Variants in ROR1 observed in about 807,000 individuals in gnomAD.
The protein encoded by ROR1 is inactive tyrosine-protein kinase transmembrane receptor ROR1.
A neutral mutation model predicts 78.8 loss-of-function variants in ROR1; 19 were observed. The observed-to-expected ratio is 0.24, with a 90% CI of 0.17 to 0.35. ROR1 has a LOEUF of 0.35. Among genes scored for constraint, ROR1 ranks in the 10% least tolerant of loss-of-function variants. The probability of loss-of-function intolerance (pLI) is 1.00; values close to 1 mark genes in which losing one functional copy is unlikely to be tolerated. For synonymous variants in ROR1, 386 were observed against 433.6 expected (o/e 0.89, Z 1.36); for missense variants, 917 against 1,177.8 (o/e 0.78, Z 3.24).
chr1:63,834,445 G>C (rs930871242), intron 1 of ROR1, among the ~76,000 whole-genome samples: 2 of 152,066 alleles, frequency 1.3e-5, no homozygotes, highest in African/African-American at 4.8e-5. Context: ...TATTAAATTA[G>C]TTTTCCCTGT....
At chr1:63,898,140 T>C (rs1040695205) in intron 1 of ROR1, among the ~76,000 whole-genome samples, 1 of 152,212 alleles carries the variant, frequency 6.6e-6, no homozygotes, top group South Asian at 2.1e-4. Context: ...TGCACAAATC[T>C]TTGAACAGCT....
intron 4 of ROR1, among the ~76,000 whole-genome samples, chr1:64,093,685 G>C (rs1018885643): frequency 6.6e-6 from 1 of 151,484 alleles, no homozygotes; most frequent in African/African-American, 2.4e-5. Context: ...TTTTTTGTTT[G>C]TCAGGAAACT....
At chr1:63,851,903 A>G (rs893001810) in intron 1 of ROR1, among the ~76,000 whole-genome samples, 2 of 152,246 alleles carry the variant, frequency 1.3e-5, no homozygotes, top group African/African-American at 4.8e-5. Flanking sequence ...GGAAGATGGA[A>G]GACAAGTAGA....
intron 7 of ROR1, among the ~76,000 whole-genome samples, chr1:64,151,654 T>C (rs1377111005): frequency 1.3e-5 from 2 of 151,420 alleles, no homozygotes; most frequent in African/African-American, 4.9e-5. Flanking sequence ...GGGCAGATCA[T>C]TTAAGGTCAG....
chr1:63,798,345 A>C (rs948585494), intron 1 of ROR1, among the ~76,000 whole-genome samples: 1 of 152,118 alleles, frequency 6.6e-6, no homozygotes, highest in African/African-American at 2.4e-5. Context: ...TGGGCCCATC[A>C]ACTTAAGTAG....
chr1:64,132,760 CAAAAAAAAAAAAA>C (rs749607703), intron 4 of ROR1, among the ~76,000 whole-genome samples: 2 of 70,452 alleles, frequency 2.8e-5, no homozygotes, highest in Admixed American at 2.1e-4. Flanking sequence ...GACTCCATCT[CAAAAAAAAAAAAA>C]AAAAAAAAAA....
intron 1 of ROR1, among the ~76,000 whole-genome samples, chr1:63,909,279 C>T (rs1440067501): frequency 6.6e-6 from 1 of 152,116 alleles, no homozygotes; most frequent in African/African-American, 2.4e-5. Context: ...ATGGTCATTA[C>T]ATTTATAGTA....
chr1:63,925,931 T>C (rs1231463386), intron 1 of ROR1, among the ~76,000 whole-genome samples: 2 of 150,244 alleles, frequency 1.3e-5, no homozygotes, highest in Non-Finnish European at 3.0e-5. Context: ...GTCAGATGAG[T>C]AGGTTGCGAA....
At chr1:63,837,926 C>T (rs757192414) in intron 1 of ROR1, among the ~76,000 whole-genome samples, 3 of 152,130 alleles carry the variant, frequency 2.0e-5, no homozygotes, top group East Asian at 1.9e-4. Context: ...TTTCAGTCAG[C>T]GTTAGAACTG....
intron 1 of ROR1, among the ~76,000 whole-genome samples, chr1:63,791,060 G>T (rs745441383): frequency 2.0e-5 from 3 of 152,186 alleles, no homozygotes; most frequent in Non-Finnish European, 2.9e-5. Context: ...TAGTGGGGAG[G>T]AGAGAAGCCT....
Position 64,137,434 on chromosome 1 carries a change from G to T in ROR1, c.548G>T (p.Gly183Val). ...YRGIACARFI[G>V]NRTVYMESLH... ...GGGATTGCATGTGCAAGATTTATTG[G>T]CAACCGCACCGTCTATATGGAGTCT... Residue 183 changes from glycine (G) to valine (V), a missense_variant, in exon 5 of 9, where the codon GGC (glycine) becomes GTC (valine). Physicochemically the swap from Gly to Val is moderately radical, Grantham distance 109. Coordinates refer to ENST00000371079, the MANE Select transcript of ROR1 (RefSeq NM_005012.4). 6.2e-7 allele frequency: 1 copy of T among 1,613,958 alleles called. No homozygotes were observed. Among genetic ancestry groups the T allele is most frequent in the Non-Finnish European group, 8.5e-7 (1 of 1,179,882 alleles).
At chr1:63,854,816 C>T (rs1313494934) in intron 1 of ROR1, among the ~76,000 whole-genome samples, 1 of 152,124 alleles carries the variant, frequency 6.6e-6, no homozygotes, top group African/African-American at 2.4e-5. Flanking sequence ...CTGATGGATG[C>T]CAAAATCCTT....
At chr1:64,115,518 A>G (rs926120100) in intron 4 of ROR1, among the ~76,000 whole-genome samples, 2 of 151,938 alleles carry the variant, frequency 1.3e-5, no homozygotes, top group African/African-American at 4.8e-5. Context: ...AAATTCTTAT[A>G]TATGCCTCAG....
intron 2 of ROR1, among the ~76,000 whole-genome samples, chr1:64,045,430 GATT>G (rs1347712946): frequency 5.9e-5 from 9 of 152,024 alleles, no homozygotes; most frequent in African/African-American, 2.2e-4. Context: ...TAAGCAATGG[GATT>G]GTTTTTATTT....
At chr1:63,986,630 C>T (rs554476617) in intron 1 of ROR1, among the ~76,000 whole-genome samples, 81 of 152,252 alleles carry the variant, frequency 5.3e-4, no homozygotes, top group African/African-American at 1.8e-3. Context: ...TGGTGGCTCA[C>T]GCCTGTAATC....
At position 63,774,680 on chromosome 1, in the gene ROR1, C is replaced by T. The variant is rs1364323671; in HGVS notation, c.91+172C>T. Among the ~76,000 whole-genome samples the T allele has an allele frequency of 6.6e-6, 1 of 150,856 alleles. No homozygotes were observed. Among genetic ancestry groups the T allele is most frequent in the Non-Finnish European group, 1.5e-5 (1 of 67,654 alleles). ...GCCAGGCCAGGGTTTGCCCCGGAGC[C>T]CCGCCAGGCCAGGGTTTGCCCCGGA... On this transcript the variant is annotated intron_variant, in intron 1 of 8. Transcript: ENST00000371079. This position sits in a 1 kb window ranked among gnomAD's most constrained non-coding sequence, Gnocchi z 5.7.
intron 1 of ROR1, among the ~76,000 whole-genome samples, chr1:63,823,441 A>G (rs1318136255): frequency 8.8e-6 from 1 of 114,018 alleles, no homozygotes; most frequent in Non-Finnish European, 1.7e-5. Flanking sequence ...AACTACAGAC[A>G]TTACTTTTTT....
chr1:64,168,527 A>G (rs1335751627), intron 8 of ROR1, among the ~76,000 whole-genome samples: 1 of 152,112 alleles, frequency 6.6e-6, no homozygotes, highest in Non-Finnish European at 1.5e-5. Context: ...GTCTGTATGT[A>G]TATTCTTCAG....
chr1:63,989,168 G>GTTTTTTTTTTTTT (rs1234720187), intron 1 of ROR1, among the ~76,000 whole-genome samples: 2 of 142,484 alleles, frequency 1.4e-5, no homozygotes, highest in African/African-American at 5.4e-5. Flanking sequence ...TTCTGTTTTT[G>GTTTTTTTTTTTTT]TTTTTTTTTT....
Sources: allele counts gnomAD v4.1 joint callset (sites outside exome capture counted in the v4.1 genomes callset), GRCh38; gene constraint gnomAD v4.1.1; non-coding constraint Gnocchi (gnomAD v3.1); transcripts MANE v1.5; gene names NCBI Gene and HGNC (gene_info 2026-07-23, HGNC 2026-07-21).